The following HNRNPC variants were observed in gnomAD, a reference collection of about 807,000 sequenced individuals.
The protein encoded by HNRNPC is heterogeneous nuclear ribonucleoprotein C, also known as heterogeneous nuclear ribonucleoproteins C1/C2.
Under a neutral mutation model 33.2 loss-of-function variants are expected in HNRNPC, and 3 were observed. The ratio of observed to expected loss-of-function variants is 0.09; its 90% confidence interval spans 0.04 to 0.23. The LOEUF is 0.23. Among genes scored for constraint, HNRNPC ranks in the 10% least tolerant of loss-of-function variants. The pLI is 1.00. For missense variants in HNRNPC, 143 were observed against 366.7 expected (o/e 0.39, Z 4.98); for synonymous variants, 121 against 126.7 (o/e 0.96, Z 0.30).
chr14:21,212,703 C>T (rs921521670), intron 6 of HNRNPC, among the ~76,000 whole-genome samples: 3 of 152,056 alleles, frequency 2.0e-5, no homozygotes, highest in Non-Finnish European at 2.9e-5. Context: ...CCACCATCCC[C>T]GGCAAATTTT....
At chr14:21,215,317 A>G (rs931872326) in intron 5 of HNRNPC, among the ~76,000 whole-genome samples, 12 of 152,212 alleles carry the variant, frequency 7.9e-5, no homozygotes, top group African/African-American at 2.7e-4. Flanking sequence ...ACAACCTTTA[A>G]GTTAAAAGGG....
At chr14:21,246,434 C>T (rs927219552) in intron 2 of HNRNPC, among the ~76,000 whole-genome samples, 7 of 151,814 alleles carry the variant, frequency 4.6e-5, no homozygotes, top group East Asian at 3.9e-4. Flanking sequence ...GGCGTGTTGG[C>T]GGGTACCTGT....
chr14:21,225,533 T>G (rs1465413424), intron 5 of HNRNPC, among the ~76,000 whole-genome samples: 1 of 151,476 alleles, frequency 6.6e-6, no homozygotes, highest in African/African-American at 2.4e-5. Flanking sequence ...CCACAATGAC[T>G]GAGAGTTCTT....
intron 2 of HNRNPC, among the ~76,000 whole-genome samples, chr14:21,237,067 A>C (rs1339653734): frequency 6.6e-6 from 1 of 152,222 alleles, no homozygotes; most frequent in Admixed American, 6.5e-5. Flanking sequence ...TAAAACTTAG[A>C]AGTTTCACCT....
chr14:21,214,955 A>G (rs1205135244), intron 5 of HNRNPC, among the ~76,000 whole-genome samples: 1 of 152,176 alleles, frequency 6.6e-6, no homozygotes, highest in African/African-American at 2.4e-5. Context: ...CTAAGCCACA[A>G]ACCTTCACCG....
intron 2 of HNRNPC, among the ~76,000 whole-genome samples, chr14:21,243,695 G>A (rs950540876): frequency 6.6e-6 from 1 of 152,136 alleles, no homozygotes; most frequent in Non-Finnish European, 1.5e-5. Context: ...TGGGACGGTA[G>A]GTCCCTATAT....
At chr14:21,248,234 C>T (rs1047584348) in intron 2 of HNRNPC, among the ~76,000 whole-genome samples, 6 of 152,044 alleles carry the variant, frequency 3.9e-5, no homozygotes, top group African/African-American at 7.2e-5. Context: ...TTAGTACAGA[C>T]GGGGTTTTGC....
intron 2 of HNRNPC, among the ~76,000 whole-genome samples, chr14:21,243,603 G>GC (rs1895618562): frequency 6.6e-6 from 1 of 152,060 alleles, no homozygotes. Context: ...AAAGAAACTG[G>GC]CATTTCCATT....
chr14:21,249,554 C>A (rs1896383169), intron 2 of HNRNPC, among the ~76,000 whole-genome samples: 1 of 146,590 alleles, frequency 6.8e-6, no homozygotes, highest in African/African-American at 2.6e-5. Context: ...CCACTGCACT[C>A]CAGCCTGGGC....
chr14:21,224,835 T>C (rs982481878), intron 5 of HNRNPC, among the ~76,000 whole-genome samples: 1 of 152,190 alleles, frequency 6.6e-6, no homozygotes, highest in Non-Finnish European at 1.5e-5. Context: ...TTCTTGAAGA[T>C]TTGTCTATTT....
At chr14:21,225,313 C>G (rs1386799616) in intron 5 of HNRNPC, among the ~76,000 whole-genome samples, 1 of 151,826 alleles carries the variant, frequency 6.6e-6, no homozygotes, top group East Asian at 1.9e-4. Context: ...CCTGTAACCC[C>G]AGCTAATTGG....
intron 2 of HNRNPC, among the ~76,000 whole-genome samples, chr14:21,239,950 G>A (rs567928922): frequency 1.4e-3 from 217 of 152,192 alleles, no homozygotes; most frequent in African/African-American, 4.9e-3. Context: ...GGACAAATGC[G>A]TTTGTATATT....
At chr14:21,254,413 T>C (rs1461905323) in intron 2 of HNRNPC, 1 of 152,174 alleles carries the variant, frequency 6.6e-6, no homozygotes, top group East Asian at 1.9e-4. Context: ...ACAGTGCTTT[T>C]TGAAGTTTAT....
In HNRNPC at chr14:21,239,959, TTATATAC is replaced by T. The variant is rs1443273597; in HGVS notation, c.-36-5737_-36-5731del. ...ACACATGGACAAATGCGTTTGTATA[TTATATAC>T]TATAATTTCATTACAGGTTCTTATT... is the stretch of plus-strand genomic sequence containing the variant. On this transcript the variant is annotated intron_variant, in intron 2 of 8. Transcript: ENST00000553300. Among the ~76,000 whole-genome samples, 55 of 152,300 alleles carry T rather than the reference TTATATAC, an allele frequency of 3.6e-4. No individual in the cohort carries two copies. In the South Asian group the frequency reaches 5.0e-3, roughly 14 times the overall value.
intron 1 of HNRNPC, chr14:21,265,207 T>C (rs562626844): frequency 6.6e-6 from 1 of 152,320 alleles, no homozygotes; most frequent in East Asian, 1.9e-4. Context: ...TTGTAAGAAA[T>C]ATACATCTGA....
chr14:21,231,552 G>A (rs1894118521), intron 3 of HNRNPC: 2 of 360,398 alleles, frequency 5.5e-6, no homozygotes, highest in African/African-American at 4.3e-5. Flanking sequence ...GATCTGCCTT[G>A]ACCTCCCAAA....
intron 2 of HNRNPC, 162 bp downstream of exon 2, chr14:21,263,149 G>T (rs1435904862): frequency 6.6e-6 from 1 of 152,166 alleles, no homozygotes; most frequent in Non-Finnish European, 1.5e-5. Context: ...AGAAAAACTC[G>T]ATTTTAATCC....
Position 21,211,163 on chromosome 14 carries a change from C to T in HNRNPC, c.*60G>A. 1 of 1,544,146 alleles carries T rather than the reference C, an allele frequency of 6.5e-7. No homozygotes were observed. Among genetic ancestry groups the T allele is most frequent in the Non-Finnish European group, 8.9e-7 (1 of 1,124,590 alleles). On this transcript the variant is annotated 3_prime_UTR_variant, in exon 9 of 9. Transcript: ENST00000553300. ...GAGAGGATCTGGTGAAAAATTTGATCTTAGACAAGCGCCTAGGTAAAGAAA... is the reference window on the plus strand; with the variant it reads ...GAGAGGATCTGGTGAAAAATTTGATTTTAGACAAGCGCCTAGGTAAAGAAA...
intron 5 of HNRNPC, among the ~76,000 whole-genome samples, chr14:21,226,713 C>T (rs573715502): frequency 1.3e-5 from 2 of 151,830 alleles, no homozygotes; most frequent in Non-Finnish European, 2.9e-5. Context: ...AACACTGTCT[C>T]TACTGAAAAT....
Sources: allele counts gnomAD v4.1 joint callset (sites outside exome capture counted in the v4.1 genomes callset), GRCh38; gene constraint gnomAD v4.1.1; transcripts MANE v1.5; gene names NCBI Gene and HGNC (gene_info 2026-07-23, HGNC 2026-07-21).